The following SSU72 variants were observed in gnomAD, a reference collection of about 807,000 sequenced individuals.
SSU72 encodes the protein SSU72 homolog, RNA polymerase II CTD phosphatase.
A neutral mutation model predicts 22.7 loss-of-function variants in SSU72; 12 were observed. The ratio of observed to expected loss-of-function variants is 0.53; its 90% CI spans 0.34 to 0.86. SSU72 has a LOEUF of 0.86. Ranked by LOEUF, SSU72 falls within the 40% of genes least tolerant of loss-of-function variation. The pLI, the probability that SSU72 is intolerant of heterozygous loss-of-function variation, is 0.02. For missense variants in SSU72, 151 were observed against 249.8 expected, an observed-to-expected ratio of 0.60 and a Z score of 2.67; for synonymous variants, 116 against 98.3, an observed-to-expected ratio of 1.18 and a Z score of -1.06.
intron 1 of SSU72, among the ~76,000 whole-genome samples, chr1:1,572,600 GCGCCCGCCACCA>G (rs919675396): frequency 6.0e-5 from 9 of 149,070 alleles, no homozygotes; most frequent in Non-Finnish European, 1.2e-4. Flanking sequence ...GGGACTGCAG[GCGCCCGCCACCA>G]CGCCCGGCTA....
At chr1:1,548,932 C>T (rs1318257378) in intron 2 of SSU72, among the ~76,000 whole-genome samples, 1 of 152,214 alleles carries the variant, frequency 6.6e-6, no homozygotes, top group African/African-American at 2.4e-5. Context: ...AACCCTCCCC[C>T]GGTGTGTGGC....
chr1:1,570,568 A>AC lies in SSU72; in HGVS notation c.80+3909dup, dbSNP rs70949597. The stretch of plus-strand genomic sequence containing the variant: ...CACCAGTCTGTGAGTCTCTGCAGGG[A>AC]CCCCCCCCACCCCAAAATCGGACTG... On this transcript the variant is annotated intron_variant, in intron 1 of 4. Coordinates refer to ENST00000291386, the MANE Select transcript of SSU72 (RefSeq NM_014188.3). Among the ~76,000 whole-genome samples, 828 of 150,898 alleles carry AC rather than the reference A, an allele frequency of 5.5e-3. 5 individuals are homozygous for AC. Among genetic ancestry groups the AC allele is most frequent in the East Asian group, 0.015 (75 of 5,164 alleles).
rs1236495240 is a variant in SSU72, at chr1:1,554,344, C to T, written c.225-9342G>A. Among the ~76,000 whole-genome samples, 1 of 151,968 alleles carries T rather than the reference C, an allele frequency of 6.6e-6. No homozygotes were observed. The stretch of plus-strand genomic sequence containing the variant: ...AAGCTGAGCATGAGGCGGATCCGGA[C>T]CACTCGGGGGTCCCCACGAAGCTGA... On this transcript the variant is annotated intron_variant, in intron 2 of 4. Transcript: ENST00000291386. This position sits in a 1 kb window ranked among gnomAD's most constrained non-coding sequence, Gnocchi z 4.1.
At chr1:1,551,670 C>A (rs1022353234) in intron 2 of SSU72, among the ~76,000 whole-genome samples, 4 of 152,200 alleles carry the variant, frequency 2.6e-5, no homozygotes, top group Admixed American at 2.6e-4. Context: ...GACCAGGGTC[C>A]CGATTCGCGG....
rs1003543549 is a variant in SSU72, at chr1:1,573,722, A to C, written c.80+756T>G. On this transcript the variant is annotated intron_variant, in intron 1 of 4. Coordinates refer to ENST00000291386, the MANE Select transcript of SSU72 (RefSeq NM_014188.3). ...AGAAGAGAAGCGAAACACTGTTTTC[A>C]TTTAAAGTTCACGTAGGTAACTTTG... Among the ~76,000 whole-genome samples the C allele has an allele frequency of 4.6e-5, 7 of 152,224 alleles. 1 individual carries two copies. Among genetic ancestry groups the C allele is most frequent in the Admixed American group, 2.6e-4 (4 of 15,278 alleles).
intron 1 of SSU72, among the ~76,000 whole-genome samples, chr1:1,567,160 G>A (rs909997901): frequency 1.2e-4 from 19 of 152,294 alleles, no homozygotes; most frequent in Middle Eastern, 3.4e-3. Flanking sequence ...GCGGCTCCAC[G>A]CGCACCTCCG....
At chr1:1,546,452 T>G (rs908653091) in intron 2 of SSU72, 3 of 152,184 alleles carry the variant, frequency 2.0e-5, no homozygotes, top group Non-Finnish European at 4.4e-5. Context: ...CGGGTCCATC[T>G]CTGGGGAACT....
chr1:1,568,944 G>A (rs1354362143), intron 1 of SSU72, among the ~76,000 whole-genome samples: 3 of 152,134 alleles, frequency 2.0e-5, no homozygotes, highest in Admixed American at 6.5e-5. Context: ...AGCCAAGGCA[G>A]GCAGATCACC....
intron 1 of SSU72, among the ~76,000 whole-genome samples, chr1:1,566,688 TA>T (rs1642666087): frequency 6.6e-6 from 1 of 151,956 alleles, no homozygotes; most frequent in Admixed American, 6.6e-5. Context: ...CCATCTCTAC[TA>T]AAAATACAAA....
At chr1:1,571,589 A>G (rs755538783) in intron 1 of SSU72, among the ~76,000 whole-genome samples, 14 of 152,066 alleles carry the variant, frequency 9.2e-5, no homozygotes, top group Non-Finnish European at 1.8e-4. Context: ...TGATGGCGGC[A>G]CAGGTAAAAG....
intron 2 of SSU72, among the ~76,000 whole-genome samples, chr1:1,560,132 G>A (rs534109372): frequency 2.0e-5 from 3 of 152,280 alleles, no homozygotes; most frequent in African/African-American, 7.2e-5. Context: ...GATTACAGGT[G>A]TGAGCCACTG....
intron 2 of SSU72, among the ~76,000 whole-genome samples, chr1:1,549,964 ACT>A (rs1272002970): frequency 1.0e-3 from 149 of 141,944 alleles, no homozygotes; most frequent in African/African-American, 3.7e-3. Flanking sequence ...CAAGAGCGAG[ACT>A]CTGTCTCAAA....
chr1:1,542,597 C>G lies in SSU72; in HGVS notation c.484-430G>C, dbSNP rs1188232944. 6.6e-6 allele frequency among the ~76,000 whole-genome samples: 1 copy of G among 152,130 alleles called. No individual in the cohort carries two copies. The highest frequency in any genetic ancestry group is 2.4e-5 in the African/African-American group (1 of 41,430). On this transcript the variant is annotated intron_variant, in intron 4 of 4. Coordinates refer to ENST00000291386, the MANE Select transcript of SSU72 (RefSeq NM_014188.3). The surrounding 1 kb of genome is among the most constrained non-coding windows in gnomAD (Gnocchi z 4.4). ...CACCAGAGCCCCTGGCAGAGGGCCG[C>G]TGCCCCAGAGTGAGCAGGCCCGGCT... is the stretch of plus-strand genomic sequence containing the variant.
intron 1 of SSU72, among the ~76,000 whole-genome samples, chr1:1,573,831 C>T (rs1642770085): frequency 6.6e-6 from 1 of 152,104 alleles, no homozygotes; most frequent in African/African-American, 2.4e-5. Context: ...GTCAGTTTCT[C>T]AGTTTGCTAT....
In SSU72 at chr1:1,564,798, C is replaced by A; in HGVS notation, c.199G>T (p.Asp67Tyr). 1 of 1,614,206 alleles carries A rather than the reference C, an allele frequency of 6.2e-7. No homozygotes were observed. The highest frequency in any genetic ancestry group is 8.5e-7 in the Non-Finnish European group (1 of 1,180,048). Residue 67 changes from aspartate to tyrosine, a missense_variant, in exon 2 of 5, where the codon GAT becomes TAT. Coordinates refer to ENST00000291386, the MANE Select transcript of SSU72 (RefSeq NM_014188.3). ...AGTTCTTTGTCTTTCCTAAGAAGAT[C>A]ATTGTACATCTGGTCATATGTGGTT... Reference protein sequence around the residue: ...FKTTYDQMYNDLLRKDKELYT... With the variant: ...FKTTYDQMYNYLLRKDKELYT...
intron 3 of SSU72, among the ~76,000 whole-genome samples, chr1:1,544,452 T>G (rs1037884665): frequency 6.6e-6 from 1 of 152,018 alleles, no homozygotes; most frequent in African/African-American, 2.4e-5. Flanking sequence ...ACCCCGTCTC[T>G]ACTAAAAATA....
At chr1:1,565,241 C>T (rs1234126599) in intron 1 of SSU72, among the ~76,000 whole-genome samples, 2 of 152,078 alleles carry the variant, frequency 1.3e-5, no homozygotes, top group African/African-American at 2.4e-5. Context: ...GGCGCGGTGG[C>T]GGGCACCTGT....
intron 1 of SSU72, among the ~76,000 whole-genome samples, chr1:1,573,887 T>TA (rs1642770697): frequency 6.6e-6 from 1 of 152,068 alleles, no homozygotes; most frequent in Non-Finnish European, 1.5e-5. Flanking sequence ...AAACTTTCAT[T>TA]AGACATACGC....
At chr1:1,553,660 A>G (rs1570387933) in intron 2 of SSU72, among the ~76,000 whole-genome samples, 2 of 150,574 alleles carry the variant, frequency 1.3e-5, no homozygotes, top group East Asian at 3.9e-4. Flanking sequence ...GCATGGTGGC[A>G]GGCGCCTGTA....
Sources: allele counts gnomAD v4.1 joint callset (sites outside exome capture counted in the v4.1 genomes callset), GRCh38; gene constraint gnomAD v4.1.1; non-coding constraint Gnocchi (gnomAD v3.1); transcripts MANE v1.5; gene names NCBI Gene and HGNC (gene_info 2026-07-23, HGNC 2026-07-21).